FGF12: variants seen among roughly 807,000 people sequenced by gnomAD.
FGF12 encodes fibroblast growth factor 12, also known as fibroblast growth factor 12B.
In FGF12, 14 loss-of-function variants were observed where a neutral mutation model predicts 23.6. That is an observed-to-expected ratio of 0.59 (90% CI 0.39 to 0.93). The LOEUF (loss-of-function observed/expected upper bound fraction) is 0.93. Ranked by LOEUF, FGF12 falls within the 40% of genes least tolerant of loss-of-function variation. The pLI, the probability that FGF12 is intolerant of heterozygous loss-of-function variation, is 0.00. For synonymous variants in FGF12, 62 were observed against 77.3 expected (o/e 0.80, Z 1.04); for missense variants, 175 against 217.8 (o/e 0.80, Z 1.24).
At position 192,504,603 on chromosome 3, in the gene FGF12, T is replaced by C. The variant is rs75498999; in HGVS notation, c.14-144065A>G. Among the ~76,000 whole-genome samples, 665 of 152,296 alleles carry C rather than the reference T, an allele frequency of 4.4e-3. 1 individual carries two copies. Among genetic ancestry groups the C allele is most frequent in the Non-Finnish European group, 6.2e-3 (425 of 68,036 alleles). On this transcript the variant is annotated intron_variant, in intron 2 of 5. Transcript: ENST00000445105. ...TGAAGTGTAGCCTGTTGTTTCTTTC[T>C]CTGTGGATCAGGCTGGCCACAGGCT...
chr3:192,274,583 G>C lies in FGF12; in HGVS notation c.228+60778C>G, dbSNP rs2108632305. On this transcript the variant is annotated intron_variant, in intron 4 of 5. Coordinates refer to ENST00000445105, the MANE Select transcript of FGF12 (RefSeq NM_004113.6). ...GAAAGAGAGGAAGAGAGAGGAGAGA[G>C]AAGAGGGGAAAGAGAGAGAGATAGA... Among the ~76,000 whole-genome samples the C allele has an allele frequency of 1.5e-5, 2 of 136,724 alleles. 1 individual carries two copies. Among genetic ancestry groups the C allele is most frequent in the Non-Finnish European group, 3.1e-5 (2 of 63,776 alleles). 89.7% of individuals were successfully genotyped at this position (136,724 alleles called of 152,430 possible). A position where few individuals can be genotyped will look rare whatever the true frequency, so the allele number is the denominator to read the frequency against.
Position 192,144,057 on chromosome 3 carries a change from T to C in FGF12, c.498A>G (p.Gly166=), listed in dbSNP as rs781728534. 1.2e-6 allele frequency: 2 copies of C among 1,613,812 alleles called. No homozygotes were observed. Among genetic ancestry groups the C allele is most frequent in the South Asian group, 2.2e-5 (2 of 91,066 alleles). The change falls in exon 6 of 6, where the codon GGA becomes GGG. Residue 166 remains glycine, a synonymous_variant. Transcript: ENST00000445105. The part of the protein sequence containing the change: ...EKQGRSRKSS[G]TPTMNGGKVV... ...CTTTGCCTCCATTCATGGTTGGTGT[T>C]CCAGAACTTTTCCTTGAACGCCCTT...
chr3:192,693,628 G>C (rs554064616), intron 2 of FGF12, among the ~76,000 whole-genome samples: 1 of 152,088 alleles, frequency 6.6e-6, no homozygotes. Context: ...ACTAATTTCT[G>C]AAAGGGGAAG....
chr3:192,406,104 A>G (rs1720946972), intron 2 of FGF12, among the ~76,000 whole-genome samples: 1 of 152,144 alleles, frequency 6.6e-6, no homozygotes, highest in Admixed American at 6.5e-5. Context: ...GAAGAAAACA[A>G]TAAACTCAGA....
intron 2 of FGF12, among the ~76,000 whole-genome samples, chr3:192,424,248 T>C (rs1412702178): frequency 6.6e-6 from 1 of 152,182 alleles, no homozygotes; most frequent in Admixed American, 6.5e-5. Flanking sequence ...CACTGGTTTA[T>C]TGCATAGGAA....
At chr3:192,392,078 A>T (rs1336912648) in intron 2 of FGF12, among the ~76,000 whole-genome samples, 4 of 152,250 alleles carry the variant, frequency 2.6e-5, no homozygotes, top group Admixed American at 1.3e-4. Context: ...CACAAGTTTG[A>T]GAAGTGCTGA....
At chr3:192,626,232 G>T (rs1448525709) in intron 2 of FGF12, among the ~76,000 whole-genome samples, 1 of 152,064 alleles carries the variant, frequency 6.6e-6, no homozygotes, top group African/African-American at 2.4e-5. Context: ...GAAATAATTA[G>T]CATATGTTAT....
At chr3:192,516,040 G>A (rs1724657599) in intron 2 of FGF12, among the ~76,000 whole-genome samples, 1 of 152,102 alleles carries the variant, frequency 6.6e-6, no homozygotes, top group African/African-American at 2.4e-5. Flanking sequence ...CCTACTAGGT[G>A]TGTGACCTTG....
At chr3:192,508,601 C>T (rs1028272425) in intron 2 of FGF12, among the ~76,000 whole-genome samples, 2 of 152,222 alleles carry the variant, frequency 1.3e-5, no homozygotes, top group Non-Finnish European at 1.5e-5. Context: ...AAAGGTATCA[C>T]ATAGATAACT....
In FGF12 at chr3:192,143,788, C is replaced by T. The variant is rs1401323708; in HGVS notation, c.*221G>A. Reference sequence around the variant, plus strand: ...TTCCTTTGCTTTTAAGTGTGCTAATCTTTGTGCACGTGAATTTTCTACCAC... The same window carrying T: ...TTCCTTTGCTTTTAAGTGTGCTAATTTTTGTGCACGTGAATTTTCTACCAC... On this transcript the variant is annotated 3_prime_UTR_variant, in exon 6 of 6. Transcript: ENST00000445105. The T allele has an allele frequency of 8.3e-6, 4 of 479,526 alleles. No individual in the cohort carries two copies. The highest frequency in any genetic ancestry group is 2.0e-5 in the African/African-American group (1 of 50,074). The allele number at this position is 479,526 out of a possible 1,614,324, so 29.7% of individuals were successfully genotyped here.
intron 4 of FGF12, among the ~76,000 whole-genome samples, chr3:192,279,236 A>G (rs1004104880): frequency 6.8e-6 from 1 of 146,012 alleles, no homozygotes; most frequent in African/African-American, 2.5e-5. Flanking sequence ...ATGAGTATAT[A>G]TATATATATA....
intron 2 of FGF12, among the ~76,000 whole-genome samples, chr3:192,652,769 G>A (rs1021342552): frequency 1.3e-5 from 2 of 152,118 alleles, no homozygotes; most frequent in Non-Finnish European, 2.9e-5. Context: ...AAGGACTTCC[G>A]CCCATTTGAA....
At chr3:192,725,846 G>C (rs1232028540) in intron 2 of FGF12, among the ~76,000 whole-genome samples, 1 of 152,136 alleles carries the variant, frequency 6.6e-6, no homozygotes, top group Non-Finnish European at 1.5e-5. Flanking sequence ...TTTTAAAATG[G>C]AGTATAATAG....
At chr3:192,246,844 GAGAGAGAGGAA>G (rs1208073852) in intron 4 of FGF12, among the ~76,000 whole-genome samples, 1 of 146,738 alleles carries the variant, frequency 6.8e-6, no homozygotes, top group Non-Finnish European at 1.5e-5. Flanking sequence ...AAAAAGGAGA[GAGAGAGAGGAA>G]AGAGAGAGAG....
rs1725543123 is a variant in FGF12 at position 192,548,196 on chromosome 3, A to G, written c.13+178985T>C. ...GAGAGAAGAAGGGTGTTTGCTGTCT[A>G]GTACATAGAGAGACTTTAGAGCTGT... On this transcript the variant is annotated intron_variant, in intron 2 of 5. Transcript: ENST00000445105. Among the ~76,000 whole-genome samples the G allele has an allele frequency of 2.0e-5, 3 of 152,182 alleles. No individual in the cohort carries two copies. In the South Asian group the frequency reaches 6.2e-4, roughly 32 times the overall value.
rs986575478 is a variant in FGF12 at position 192,405,875 on chromosome 3, C to A, written c.14-45337G>T. 3.2e-4 allele frequency among the ~76,000 whole-genome samples: 49 copies of A among 152,206 alleles called. 1 individual carries two copies. The highest frequency in any genetic ancestry group is 2.4e-3 in the Admixed American group (36 of 15,278). ...TCTTCCCAAAATGTTTTTACACACA[C>A]CACATGCCCATTCTTCTAAGCTAAG... On this transcript the variant is annotated intron_variant, in intron 2 of 5. Transcript: ENST00000445105.
chr3:192,285,812 G>A (rs1401999570), intron 4 of FGF12, among the ~76,000 whole-genome samples: 2 of 151,950 alleles, frequency 1.3e-5, no homozygotes, highest in Non-Finnish European at 2.9e-5. Flanking sequence ...ACTATTTCAA[G>A]GTTATCTTGT....
At chr3:192,176,154 C>T (rs148989806) in intron 4 of FGF12, among the ~76,000 whole-genome samples, 37 of 152,290 alleles carry the variant, frequency 2.4e-4, no homozygotes, top group African/African-American at 8.4e-4. Context: ...ACTGTCAACA[C>T]TGTTTTCATC....
intron 2 of FGF12, among the ~76,000 whole-genome samples, chr3:192,612,102 T>C (rs1260502554): frequency 6.6e-6 from 1 of 151,954 alleles, no homozygotes; most frequent in Non-Finnish European, 1.5e-5. Context: ...ATCTTAGCCA[T>C]GTAGAATTGC....
Sources: allele counts gnomAD v4.1 joint callset (sites outside exome capture counted in the v4.1 genomes callset), GRCh38; gene constraint gnomAD v4.1.1; transcripts MANE v1.5; gene names NCBI Gene and HGNC (gene_info 2026-07-23, HGNC 2026-07-21).